The following MSH3 variants were observed in gnomAD, a reference collection of about 807,000 sequenced individuals.
MSH3 encodes the protein DNA mismatch repair protein Msh3.
MSH3 carries 106 observed loss-of-function variants against 123.3 expected under a neutral mutation model. The observed-to-expected ratio is 0.86, with a 90% CI of 0.73 to 1.01. The LOEUF is 1.01. MSH3 is among the 50% of genes least tolerant of loss of function. The pLI is 0.00. For missense variants in MSH3, 1,459 were observed against 1,347.6 expected (o/e 1.08, Z -1.29); for synonymous variants, 515 against 481.4 (o/e 1.07, Z -0.91).
chr5:80,829,716 GT>G (rs1354285929), intron 20 of MSH3, among the ~76,000 whole-genome samples: 1 of 152,164 alleles, frequency 6.6e-6, no homozygotes, highest in African/African-American at 2.4e-5. Flanking sequence ...CCTTTGTCCG[GT>G]TTTGGTATTA....
chr5:80,761,483 G>A, intron 12 of MSH3, 63 bp from the exon 13 acceptor site: 2 of 1,590,834 alleles, frequency 1.3e-6, no homozygotes, highest in Non-Finnish European at 1.7e-6. Context: ...GCATTAGAGT[G>A]GGAAATGTCT....
At chr5:80,728,410 A>G (rs1011568147) in intron 9 of MSH3, among the ~76,000 whole-genome samples, 8 of 152,198 alleles carry the variant, frequency 5.3e-5, no homozygotes, top group African/African-American at 1.9e-4. Context: ...GGTACATAAT[A>G]ACCAGGATTT....
chr5:80,677,392 T>C (rs1749866112), intron 7 of MSH3, among the ~76,000 whole-genome samples: 1 of 152,180 alleles, frequency 6.6e-6, no homozygotes. Flanking sequence ...TGTAGACCAT[T>C]TCTCTGATTA....
At chr5:80,776,070 A>G (rs1744294009) in intron 16 of MSH3, among the ~76,000 whole-genome samples, 1 of 151,918 alleles carries the variant, frequency 6.6e-6, no homozygotes, top group Non-Finnish European at 1.5e-5. Context: ...TTGTATTTTT[A>G]GTAGAGACGG....
At chr5:80,845,556 G>A (rs1048017066) in intron 20 of MSH3, among the ~76,000 whole-genome samples, 1 of 152,094 alleles carries the variant, frequency 6.6e-6, no homozygotes, top group South Asian at 2.1e-4. Context: ...TGTATATTTG[G>A]TCTTTTCACA....
rs557405028 is a variant in MSH3 at position 80,773,901 on chromosome 5, G to A, written c.2254-1793G>A. ...TCCTGCCTCAGCTTCCCGAGTAGCTGGGATTACAAGTGCCTGCCACCACGC... is the reference window on the plus strand; with the variant it reads ...TCCTGCCTCAGCTTCCCGAGTAGCTAGGATTACAAGTGCCTGCCACCACGC... On this transcript the variant is annotated intron_variant, in intron 15 of 23. Transcript: ENST00000265081. Among the ~76,000 whole-genome samples, 7 of 152,216 alleles carry A rather than the reference G, an allele frequency of 4.6e-5. No individual in the cohort carries two copies. The South Asian group carries it at 6.2e-4, about 14-fold the overall frequency.
rs776105278 is a variant in MSH3, at chr5:80,672,345, G to A, written c.894G>A (p.Val298=). Residue 298 remains valine (V), a synonymous_variant, in exon 5 of 24, where the codon GTG becomes GTA. Transcript: ENST00000265081. ...TGTTTGTTCATGTACGCCGCCTGGT[G>A]GCAAAAGGATATAAGGTCAGCTTTG... is the stretch of plus-strand genomic sequence containing the variant. ...HRLFVHVRRL[V]AKGYKVGVVK... is the part of the protein sequence containing the mutation. The A allele has an allele frequency of 6.2e-7, 1 of 1,613,038 alleles. No homozygotes were observed. The highest frequency in any genetic ancestry group is 8.5e-7 in the Non-Finnish European group (1 of 1,179,058).
rs745491509 is a variant in MSH3, at chr5:80,870,174, CAAAAAAA to C, written c.3131-2928_3131-2922del. On this transcript the variant is annotated intron_variant, in intron 22 of 23. Transcript: ENST00000265081. ...GGGCAACAAGAGCGAAACTCCGTCTCAAAAAAAAAAAAAAAAAAAATTCATTAACAAA... is the reference window on the plus strand; with the variant it reads ...GGGCAACAAGAGCGAAACTCCGTCTCAAAAAAAAAAAAATTCATTAACAAA... 6.6e-5 allele frequency among the ~76,000 whole-genome samples: 7 copies of C among 105,868 alleles called. 1 individual carries two copies. In the East Asian group the frequency reaches 1.6e-3, roughly 24 times the overall value. The allele number at this position is 105,868 out of a possible 152,430, so 69.5% of individuals were successfully genotyped here.
chr5:80,717,740 T>C (rs1030268335), intron 8 of MSH3, among the ~76,000 whole-genome samples: 1 of 152,216 alleles, frequency 6.6e-6, no homozygotes, highest in Admixed American at 6.5e-5. Flanking sequence ...TTTTGATTTG[T>C]ATTTTCCTGA....
chr5:80,735,378 T>A (rs1251806776), intron 10 of MSH3, among the ~76,000 whole-genome samples: 2 of 64,008 alleles, frequency 3.1e-5, no homozygotes, highest in African/African-American at 7.2e-5. Flanking sequence ...TGAGACTTCA[T>A]CTCAAAAAAA....
chr5:80,871,202 C>T (rs1450768668), intron 22 of MSH3, among the ~76,000 whole-genome samples: 1 of 152,126 alleles, frequency 6.6e-6, no homozygotes, highest in Non-Finnish European at 1.5e-5. Flanking sequence ...AACTCTGAGG[C>T]TAGAGTGGTC....
intron 20 of MSH3, among the ~76,000 whole-genome samples, chr5:80,827,336 G>A (rs1245682692): frequency 6.6e-6 from 1 of 152,210 alleles, no homozygotes; most frequent in Non-Finnish European, 1.5e-5. Context: ...CCCAGCTTCA[G>A]GGAATTCTGT....
chr5:80,758,116 C>T (rs1167933046), intron 12 of MSH3, among the ~76,000 whole-genome samples: 1 of 152,198 alleles, frequency 6.6e-6, no homozygotes, highest in African/African-American at 2.4e-5. Context: ...CAGATCATTA[C>T]TACTTGTCAG....
intron 12 of MSH3, among the ~76,000 whole-genome samples, chr5:80,747,155 G>A (rs1325489549): frequency 6.6e-6 from 1 of 152,200 alleles, no homozygotes; most frequent in Non-Finnish European, 1.5e-5. Flanking sequence ...GTGGCTGCTG[G>A]AAAGGCTGCC....
At chr5:80,670,332 AT>A (rs926295790) in intron 4 of MSH3, 23 bp downstream of exon 4, 57 of 1,602,880 alleles carry the variant, frequency 3.6e-5, no homozygotes, top group Non-Finnish European at 4.8e-5. Flanking sequence ...TTCAGGCACT[AT>A]TTTATATTTT....
chr5:80,746,890 G>A (rs900457477), intron 12 of MSH3: 1 of 182,384 alleles, frequency 5.5e-6, no homozygotes, highest in Non-Finnish European at 1.2e-5. Flanking sequence ...AGAAGAGGAA[G>A]GCAGAGGACA....
At chr5:80,820,997 A>C (rs1198844935) in intron 20 of MSH3, among the ~76,000 whole-genome samples, 4 of 152,212 alleles carry the variant, frequency 2.6e-5, no homozygotes, top group African/African-American at 9.6e-5. Flanking sequence ...CCGGCAATTC[A>C]GCTCTCTTCA....
At chr5:80,688,628 CTG>C (rs1019940284) in intron 8 of MSH3, among the ~76,000 whole-genome samples, 8 of 151,774 alleles carry the variant, frequency 5.3e-5, no homozygotes, top group Non-Finnish European at 1.0e-4. Flanking sequence ...GAAGTGATAA[CTG>C]TGAGACTATA....
chr5:80,685,342 G>T (rs1235243578), intron 8 of MSH3, among the ~76,000 whole-genome samples: 1 of 150,920 alleles, frequency 6.6e-6, no homozygotes, highest in Non-Finnish European at 1.5e-5. Context: ...CTTCAATCTC[G>T]TTACTTGTTA....
Sources: gnomAD v4.1 joint callset for allele counts (sites outside exome capture counted in the v4.1 genomes callset) on GRCh38, gnomAD v4.1.1 for gene constraint, MANE v1.5 for transcripts, NCBI Gene and HGNC (gene_info 2026-07-23, HGNC 2026-07-21) for gene names.